Variants in IRAG2 observed in about 807,000 individuals in gnomAD.
IRAG2 encodes the protein lymphoid restricted membrane protein.
In IRAG2, 45 loss-of-function variants were observed where a neutral mutation model predicts 69.9. That is an observed-to-expected ratio of 0.64 (90% CI 0.51 to 0.83). The LOEUF is 0.83. Ranked by LOEUF, IRAG2 falls within the 40% of genes least tolerant of loss-of-function variation. The probability of loss-of-function intolerance (pLI) is 0.00; values close to 1 mark genes in which losing one functional copy is unlikely to be tolerated. For synonymous variants in IRAG2, 193 were observed against 202.4 expected (o/e 0.95, Z 0.40); for missense variants, 520 against 587.0 (o/e 0.89, Z 1.18).
chr12:25,064,634 G>T (rs1945851511), intron 4 of IRAG2, among the ~76,000 whole-genome samples: 2 of 152,202 alleles, frequency 1.3e-5, no homozygotes, highest in Admixed American at 6.5e-5. Flanking sequence ...GGAATAAAGA[G>T]AAAAAGTAGA....
chr12:25,000,932 T>C (rs747371199), upstream of IRAG2, among the ~76,000 whole-genome samples: 17 of 152,198 alleles, frequency 1.1e-4, no homozygotes, highest in Non-Finnish European at 1.9e-4. Flanking sequence ...GCTAATCCTT[T>C]CTACCAGGAT....
intron 16 of IRAG2, among the ~76,000 whole-genome samples, chr12:25,045,866 AAG>A (rs1381448461): frequency 2.2e-4 from 27 of 125,140 alleles, no homozygotes; most frequent in South Asian, 5.2e-4. Flanking sequence ...AAAAAAAAAA[AAG>A]GAAAGGAAAA....
At chr12:25,058,927 G>T in intron 1 of IRAG2, among the ~76,000 whole-genome samples, 1 of 152,214 alleles carries the variant, frequency 6.6e-6, no homozygotes, top group East Asian at 1.9e-4. Flanking sequence ...AAGCCAACTT[G>T]TTTTGCCATG....
At chr12:25,078,354 C>A (rs1050176523) in intron 6 of IRAG2, among the ~76,000 whole-genome samples, 15 of 152,164 alleles carry the variant, frequency 9.9e-5, no homozygotes, top group African/African-American at 3.1e-4. Context: ...ATTCTAAATA[C>A]TGTGTTTGAT....
At chr12:25,063,116 G>A (rs1208589662) in intron 3 of IRAG2, among the ~76,000 whole-genome samples, 2 of 152,214 alleles carry the variant, frequency 1.3e-5, no homozygotes, top group African/African-American at 2.4e-5. Flanking sequence ...AGGCTGGAGT[G>A]CAGTGGTGCA....
chr12:25,080,555 T>G (rs1311987945), intron 9 of IRAG2, among the ~76,000 whole-genome samples: 1 of 152,124 alleles, frequency 6.6e-6, no homozygotes, highest in Non-Finnish European at 1.5e-5. Context: ...AGTTTCACCG[T>G]GTTAGCCAGG....
chr12:25,061,903 T>C (rs546554615), intron 2 of IRAG2, among the ~76,000 whole-genome samples: 16 of 152,318 alleles, frequency 1.1e-4, no homozygotes, highest in Admixed American at 4.6e-4. Flanking sequence ...AGAATTTTCT[T>C]TGCCCCACCA....
At chr12:25,090,419 C>T (rs1050265776) in intron 14 of IRAG2, among the ~76,000 whole-genome samples, 2 of 151,046 alleles carry the variant, frequency 1.3e-5, no homozygotes, top group African/African-American at 4.9e-5. Flanking sequence ...ATGATGTGTG[C>T]CTGTAGTCCC....
At chr12:25,047,351 G>A (rs1014416874), upstream of IRAG2, among the ~76,000 whole-genome samples, 5 of 152,170 alleles carry the variant, frequency 3.3e-5, no homozygotes, top group African/African-American at 7.2e-5. Context: ...CTTCTGCACA[G>A]CAAAGAATAC....
At chr12:25,104,185 T>G in intron 19 of IRAG2, 127 bp downstream of exon 19, 1 of 886,284 alleles carries the variant, frequency 1.1e-6, no homozygotes, top group Non-Finnish European at 1.7e-6. Context: ...AGAATAATTA[T>G]ATAAATTGGT....
chr12:25,107,091 T>C (rs1365663810), intron 21 of IRAG2, 41 bp downstream of exon 21: 3 of 1,134,896 alleles, frequency 2.6e-6, no homozygotes, highest in Middle Eastern at 2.0e-4. Context: ...TTTAGTGGAA[T>C]GGGAAAGGGT....
intron 1 of IRAG2, 32 bp from the exon 2 acceptor site, chr12:25,061,560 C>T (rs1945640946): frequency 2.5e-6 from 1 of 398,328 alleles, no homozygotes; most frequent in Non-Finnish European, 4.4e-6. Flanking sequence ...TTAAAATGGT[C>T]ATATTGAGCT....
intron 2 of IRAG2, among the ~76,000 whole-genome samples, chr12:25,005,779 A>G (rs1021750590): frequency 6.6e-6 from 1 of 152,164 alleles, no homozygotes; most frequent in African/African-American, 2.4e-5. Context: ...AAAAATTTCC[A>G]GACCTAAAAC....
upstream of IRAG2, among the ~76,000 whole-genome samples, chr12:25,003,933 C>A (rs1229076285): frequency 6.6e-6 from 1 of 152,168 alleles, no homozygotes; most frequent in Non-Finnish European, 1.5e-5. Flanking sequence ...GGTTATCTAG[C>A]CTCTGGAGCT....
chr12:25,050,057 A>G (rs540840955), upstream of IRAG2, among the ~76,000 whole-genome samples: 1 of 145,608 alleles, frequency 6.9e-6, no homozygotes, highest in Admixed American at 7.0e-5. Context: ...TGGGAGGTGG[A>G]GCTTGCAGTG....
intron 16 of IRAG2, among the ~76,000 whole-genome samples, chr12:25,042,430 GT>G (rs1944758127): frequency 2.0e-5 from 3 of 152,006 alleles, no homozygotes; most frequent in African/African-American, 7.3e-5. Context: ...ATCTTCAAAG[GT>G]TTATCATCTG....
intron 2 of IRAG2, among the ~76,000 whole-genome samples, chr12:25,008,162 A>G (rs79155936): frequency 0.033 from 5,005 of 152,306 alleles, 198 homozygotes; most frequent in East Asian, 0.17. Context: ...GTAATATTCT[A>G]TCATTCCTTC....
At chr12:25,053,055 C>T (rs532427242) in intron 1 of IRAG2, 99 bp downstream of exon 1, 2 of 396,816 alleles carry the variant, frequency 5.0e-6, no homozygotes, top group South Asian at 1.4e-4. Context: ...GGATATTATT[C>T]CTGAGTTTAT....
chr12:25,101,772 C>T (rs779615091), intron 16 of IRAG2, among the ~76,000 whole-genome samples: 7 of 152,170 alleles, frequency 4.6e-5, no homozygotes, highest in Admixed American at 3.3e-4. Context: ...TATGAGGCCA[C>T]GGGGAGTAAC....
Sources: gnomAD v4.1 joint callset for allele counts (sites outside exome capture counted in the v4.1 genomes callset) on GRCh38, gnomAD v4.1.1 for gene constraint, MANE v1.5 for transcripts, NCBI Gene and HGNC (gene_info 2026-07-23, HGNC 2026-07-21) for gene names.